RANGAP1: variants seen among roughly 807,000 people sequenced by gnomAD.
The protein encoded by RANGAP1 is ran GTPase-activating protein 1.
A neutral mutation model predicts 63.5 loss-of-function variants in RANGAP1; 38 were observed. The observed-to-expected ratio is 0.60, with a 90% CI of 0.46 to 0.78. The LOEUF is 0.78. RANGAP1 is among the 30% of genes least tolerant of loss of function. The probability of loss-of-function intolerance (pLI) is 0.00; values close to 1 mark genes in which losing one functional copy is unlikely to be tolerated. For missense variants in RANGAP1, 630 were observed against 740.3 expected (o/e 0.85, Z 1.73); for synonymous variants, 329 against 310.5 (o/e 1.06, Z -0.63).
intron 10 of RANGAP1, among the ~76,000 whole-genome samples, chr22:41,255,249 G>A (rs2033748577): frequency 6.6e-6 from 1 of 152,150 alleles, no homozygotes; most frequent in Non-Finnish European, 1.5e-5. Flanking sequence ...GGACCTGTGA[G>A]GTTCAGCCCA....
At chr22:41,248,248 AC>A (rs2033185987) in intron 15 of RANGAP1, among the ~76,000 whole-genome samples, 1 of 152,154 alleles carries the variant, frequency 6.6e-6, no homozygotes, top group Non-Finnish European at 1.5e-5. Flanking sequence ...GTGAGGCTCT[AC>A]CTAGCACCTG....
At chr22:41,280,868 G>GTT in intron 2 of RANGAP1, 65 bp downstream of exon 2, 1 of 1,605,146 alleles carries the variant, frequency 6.2e-7, no homozygotes, top group Non-Finnish European at 8.5e-7. Flanking sequence ...CTGACAACCA[G>GTT]TAAGAGTTCA....
chr22:41,299,504 G>A, the RANGAP1 span, among the ~76,000 whole-genome samples: 1 of 151,934 alleles, frequency 6.6e-6, no homozygotes, highest in East Asian at 1.9e-4. Flanking sequence ...CCTAACCTTA[G>A]GTGATCCACC....
In RANGAP1 at chr22:41,249,183, C is replaced by T. The variant is rs148655278; in HGVS notation, c.1694+147G>A. 313 of 1,168,242 alleles carry T rather than the reference C, an allele frequency of 2.7e-4. No homozygotes were observed. The African/African-American group carries it at 4.4e-3, about 16-fold the overall frequency. 72.4% of individuals were successfully genotyped at this position (1,168,242 alleles called of 1,614,324 possible). A position where few individuals can be genotyped will look rare whatever the true frequency, so the allele number is the denominator to read the frequency against. ...GACTCCAATGCAGATGCTGAGAGCCCAGGAGGCATGAGGGCCTCTCATGCA... is the reference window on the plus strand; with the variant it reads ...GACTCCAATGCAGATGCTGAGAGCCTAGGAGGCATGAGGGCCTCTCATGCA... On this transcript the variant is annotated intron_variant, in intron 15 of 15. Transcript: ENST00000356244.
At chr22:41,258,219 CAGGGG>C in intron 6 of RANGAP1, 113 bp from the exon 7 acceptor site, 3 of 1,225,576 alleles carry the variant, frequency 2.4e-6, no homozygotes, top group Non-Finnish European at 3.3e-6. Flanking sequence ...CAGCACAGGG[CAGGGG>C]CCTGTCTGTG....
chr22:41,282,823 T>C (rs772716084), intron 1 of RANGAP1, among the ~76,000 whole-genome samples: 76 of 152,068 alleles, frequency 5.0e-4, no homozygotes, highest in South Asian at 1.5e-3. Context: ...AATAAACGTA[T>C]CTGTGAGATG....
the RANGAP1 span, among the ~76,000 whole-genome samples, chr22:41,297,476 A>G: frequency 1.3e-5 from 2 of 151,474 alleles, no homozygotes. Context: ...TGGACACATC[A>G]TGAGCCATCA....
chr22:41,273,215 C>T (rs776408082), intron 3 of RANGAP1, among the ~76,000 whole-genome samples: 12 of 152,136 alleles, frequency 7.9e-5, no homozygotes, highest in Non-Finnish European at 1.2e-4. Context: ...AGAGCCCAGC[C>T]CAACCCCAGC....
intron 4 of RANGAP1, among the ~76,000 whole-genome samples, chr22:41,266,586 T>C (rs1320052052): frequency 6.6e-6 from 1 of 152,200 alleles, no homozygotes; most frequent in Non-Finnish European, 1.5e-5. Flanking sequence ...AAGGTTGCAA[T>C]GCAATGGCAC....
intron 3 of RANGAP1, among the ~76,000 whole-genome samples, chr22:41,273,578 C>T (rs1301144259): frequency 2.0e-5 from 3 of 148,254 alleles, no homozygotes; most frequent in East Asian, 2.0e-4. Context: ...CCAGCCTGGC[C>T]AACATAGTGA....
chr22:41,252,805 T>A (rs1323909611), intron 12 of RANGAP1, 67 bp downstream of exon 12: 1 of 1,453,620 alleles, frequency 6.9e-7, no homozygotes, highest in Non-Finnish European at 9.1e-7. Context: ...GAGCTGTTCG[T>A]CCCTTTTCTC....
chr22:41,254,404 TTCCTCCTCTTCCTCATCTTCC>T lies in RANGAP1; in HGVS notation c.1143_1163del (p.Asp383_Glu389del), dbSNP rs2033680365. 3 of 1,611,730 alleles carry T rather than the reference TTCCTCCTCTTCCTCATCTTCC, an allele frequency of 1.9e-6. No homozygotes were observed. The African/African-American group carries it at 4.0e-5, about 22-fold the overall frequency. On this transcript the variant is annotated inframe_deletion, in exon 11 of 16. Coordinates refer to ENST00000356244, the MANE Select transcript of RANGAP1 (RefSeq NM_002883.4). ...CTTCTTCCTCCTCCTCCTCCTCTTCTTCCTCCTCTTCCTCATCTTCCTCCTCCTCTTCTTCTGCTTCCTCTT... is the reference window on the plus strand; with the variant it reads ...CTTCTTCCTCCTCCTCCTCCTCTTCTTCCTCCTCTTCTTCTGCTTCCTCTT...
intron 9 of RANGAP1, 34 bp downstream of exon 9, chr22:41,256,157 C>G (rs1368164290): frequency 3.7e-6 from 6 of 1,613,800 alleles, no homozygotes; most frequent in Non-Finnish European, 5.1e-6. Context: ...GCCAGCCTAG[C>G]AGACCTGTGC....
chr22:41,253,074 A>G, intron 11 of RANGAP1, 83 bp from the exon 12 acceptor site: 1 of 1,293,784 alleles, frequency 7.7e-7, no homozygotes, highest in Non-Finnish European at 1.0e-6. Flanking sequence ...CACACCCAGC[A>G]CATCCACCCT....
upstream of RANGAP1, among the ~76,000 whole-genome samples, chr22:41,287,609 G>A (rs1488768953): frequency 6.6e-6 from 1 of 151,712 alleles, no homozygotes; most frequent in Non-Finnish European, 1.5e-5. Context: ...GCAGTGAGCC[G>A]TGATTGCACC....
upstream of RANGAP1, among the ~76,000 whole-genome samples, chr22:41,289,702 T>C (rs775496544): frequency 2.6e-5 from 4 of 152,194 alleles, no homozygotes; most frequent in Non-Finnish European, 5.9e-5. Flanking sequence ...TCCAGCTTTC[T>C]CTCTTTCAAG....
At chr22:41,294,006 A>G in the RANGAP1 span, among the ~76,000 whole-genome samples, 1 of 150,270 alleles carries the variant, frequency 6.7e-6, no homozygotes, top group African/African-American at 2.5e-5. Flanking sequence ...CCCATCCTGC[A>G]GTTAGAAAAA....
At chr22:41,248,446 G>A (rs538838770) in intron 15 of RANGAP1, among the ~76,000 whole-genome samples, 103 of 152,204 alleles carry the variant, frequency 6.8e-4, no homozygotes, top group Non-Finnish European at 1.1e-3. Flanking sequence ...AGCGGGGGCC[G>A]CTCACGCTCC....
chr22:41,288,920 A>ATTTTT (rs10657576), upstream of RANGAP1, among the ~76,000 whole-genome samples: 9 of 111,104 alleles, frequency 8.1e-5, no homozygotes, highest in Admixed American at 2.2e-4. Flanking sequence ...CTATATCCTG[A>ATTTTT]TTTTTTTTTT....
Sources: gnomAD v4.1 joint callset for allele counts (sites outside exome capture counted in the v4.1 genomes callset) on GRCh38, gnomAD v4.1.1 for gene constraint, MANE v1.5 for transcripts, NCBI Gene and HGNC (gene_info 2026-07-23, HGNC 2026-07-21) for gene names.